Variants in TRPM2 observed in about 807,000 individuals in gnomAD.
TRPM2 encodes estrogen-responsive element-associated gene 1 protein.
TRPM2 carries 161 observed loss-of-function variants against 174.0 expected under a neutral mutation model. That is an observed-to-expected ratio of 0.93 (90% CI 0.81 to 1.05). TRPM2 has a LOEUF of 1.05. Among genes scored for constraint, TRPM2 ranks in the 50% least tolerant of loss-of-function variants. The pLI is 0.00. For synonymous variants in TRPM2, 954 were observed against 861.3 expected, an observed-to-expected ratio of 1.11 and a Z score of -1.88; for missense variants, 2,057 against 2,038.0, an observed-to-expected ratio of 1.01 and a Z score of -0.18.
chr21:44,376,435 C>A lies in TRPM2; in HGVS notation c.952+422C>A, dbSNP rs1036434506. Among the ~76,000 whole-genome samples, 4 of 152,158 alleles carry A rather than the reference C, an allele frequency of 2.6e-5. No individual in the cohort carries two copies. The highest frequency in any genetic ancestry group is 9.6e-5 in the African/African-American group (4 of 41,506). On this transcript the variant is annotated intron_variant, in intron 6 of 31. Coordinates refer to ENST00000397928, the MANE Select transcript of TRPM2 (RefSeq NM_003307.4). The surrounding 1 kb of genome is among the most constrained non-coding windows in gnomAD (Gnocchi z 4.2). ...ATTTTTTTTGGGACAGGGTCTGGAG[C>A]GCAGTGGTGTGATCTCAGCTCACTG...
chr21:44,368,837 G>C (rs773906429), intron 4 of TRPM2, among the ~76,000 whole-genome samples: 1 of 152,196 alleles, frequency 6.6e-6, no homozygotes, highest in Non-Finnish European at 1.5e-5. Flanking sequence ...TGGGAGCGAG[G>C]AAGCACTCTG....
At chr21:44,372,731 C>G (rs193219395) in intron 5 of TRPM2, among the ~76,000 whole-genome samples, 1 of 152,252 alleles carries the variant, frequency 6.6e-6, no homozygotes, top group Non-Finnish European at 1.5e-5. Flanking sequence ...ACGGGAGGAA[C>G]GAAGGCATCA....
intron 12 of TRPM2, among the ~76,000 whole-genome samples, chr21:44,397,420 G>A (rs45608434): frequency 3.9e-5 from 6 of 152,118 alleles, no homozygotes; most frequent in African/African-American, 9.7e-5. Flanking sequence ...CACTGGGCAC[G>A]CACAGGCCGG....
At chr21:44,396,632 AG>A (rs1268613118) in intron 12 of TRPM2, among the ~76,000 whole-genome samples, 4 of 12,720 alleles carry the variant, frequency 3.1e-4, no homozygotes, top group Admixed American at 9.2e-4. Flanking sequence ...AGGGGTGTGG[AG>A]GGCTGTGGAG....
chr21:44,373,134 C>G (rs974327639), intron 5 of TRPM2, among the ~76,000 whole-genome samples: 1 of 152,098 alleles, frequency 6.6e-6, no homozygotes, highest in Non-Finnish European at 1.5e-5. Context: ...CTTGCCTGGT[C>G]TCTTCATCAC....
intron 5 of TRPM2, among the ~76,000 whole-genome samples, chr21:44,372,599 G>A (rs1333091019): frequency 6.6e-6 from 1 of 152,222 alleles, no homozygotes; most frequent in African/African-American, 2.4e-5. Flanking sequence ...CCATTCTGGG[G>A]CAGAATTTCT....
At chr21:44,433,847 G>T (rs1163699828) in intron 27 of TRPM2, among the ~76,000 whole-genome samples, 1 of 152,222 alleles carries the variant, frequency 6.6e-6, no homozygotes, top group Non-Finnish European at 1.5e-5. Flanking sequence ...GCTCGGGCAG[G>T]TCTGCGCAGA....
chr21:44,409,715 G>A lies in TRPM2; in HGVS notation c.2962+2950G>A, dbSNP rs150904178. ...TTTTGACCACACTGTCTTGGTTGGCGTAGACTTGTAGTAAGTTTTGACCAC... is the reference window on the plus strand; with the variant it reads ...TTTTGACCACACTGTCTTGGTTGGCATAGACTTGTAGTAAGTTTTGACCAC... On this transcript the variant is annotated intron_variant, in intron 19 of 31. Transcript: ENST00000397928. 1.9e-4 allele frequency among the ~76,000 whole-genome samples: 12 copies of A among 61,708 alleles called. 1 individual carries two copies. The East Asian group carries it at 2.3e-3, about 12-fold the overall frequency. The allele number at this position is 61,708 out of a possible 152,430, so 40.5% of individuals were successfully genotyped here.
chr21:44,399,223 G>A lies in TRPM2; in HGVS notation c.2063-73G>A, dbSNP rs1221182222. On this transcript the variant is annotated intron_variant, in intron 13 of 31. Transcript: ENST00000397928. The surrounding 1 kb of genome is among the most constrained non-coding windows in gnomAD (Gnocchi z 4.6). Reference sequence around the variant, plus strand: ...CCTGGTGGTGCTGTCCCGAGTGGTTGCCCTCTGACCCGTCCCCAGGGCTCA... The same window carrying A: ...CCTGGTGGTGCTGTCCCGAGTGGTTACCCTCTGACCCGTCCCCAGGGCTCA... 6.5e-7 allele frequency: 1 copy of A among 1,534,754 alleles called. No individual in the cohort carries two copies. Among genetic ancestry groups the A allele is most frequent in the Admixed American group, 1.9e-5 (1 of 53,078 alleles).
At chr21:44,421,308 A>T (rs1234066667) in intron 22 of TRPM2, among the ~76,000 whole-genome samples, 2 of 150,390 alleles carry the variant, frequency 1.3e-5, no homozygotes, top group African/African-American at 4.9e-5. Flanking sequence ...ACAGAGCAAG[A>T]CTCCACCTAA....
intron 13 of TRPM2, among the ~76,000 whole-genome samples, 188 bp downstream of exon 13, chr21:44,398,064 C>T (rs903959107): frequency 3.9e-5 from 6 of 152,216 alleles, no homozygotes; most frequent in South Asian, 2.1e-4. Flanking sequence ...CCAGTGGGTT[C>T]GTCTTGCCTG....
At position 44,431,751 on chromosome 21, in the gene TRPM2, C is replaced by T. The variant is rs181913575; in HGVS notation, c.3975-3380C>T. On this transcript the variant is annotated intron_variant, in intron 27 of 31. Transcript: ENST00000397928. ...TTGGCCTCCCAATGTGCTAGGATTACGGGCGTGAGCCACTATGCCTGGTCA... is the reference window on the plus strand; with the variant it reads ...TTGGCCTCCCAATGTGCTAGGATTATGGGCGTGAGCCACTATGCCTGGTCA... 1.4e-4 allele frequency among the ~76,000 whole-genome samples: 22 copies of T among 152,338 alleles called. 1 individual carries two copies. The highest frequency in any genetic ancestry group is 3.9e-4 in the East Asian group (2 of 5,190).
intron 27 of TRPM2, among the ~76,000 whole-genome samples, chr21:44,433,538 T>C (rs2051110747): frequency 6.6e-6 from 1 of 151,636 alleles, no homozygotes; most frequent in African/African-American, 2.4e-5. Context: ...TGGACGGGAG[T>C]GAGAGACGGG....
At position 44,406,706 on chromosome 21, in the gene TRPM2, G is replaced by T; in HGVS notation, c.2903G>T (p.Arg968Leu). 4 of 1,608,896 alleles carry T rather than the reference G, an allele frequency of 2.5e-6. No individual in the cohort carries two copies. Among genetic ancestry groups the T allele is most frequent in the Non-Finnish European group, 3.4e-6 (4 of 1,179,120 alleles). ...GAGCGCCGGGTGGACTGGCTGTTCC[G>T]AGGGGCCGTCTACCACTCCTACCTC... Reference protein sequence around the residue: ...HNERRVDWLFRGAVYHSYLTI... With the variant: ...HNERRVDWLFLGAVYHSYLTI... The change falls in exon 19 of 32, where the codon CGA becomes CTA. Residue 968 changes from arginine (R) to leucine (L), a missense_variant. Transcript: ENST00000397928.
intron 2 of TRPM2, among the ~76,000 whole-genome samples, chr21:44,362,700 AG>A (rs1315284122): frequency 6.6e-6 from 1 of 152,010 alleles, no homozygotes; most frequent in African/African-American, 2.4e-5. Context: ...CCATTCTTTT[AG>A]GGTGTGTCTG....
intron 5 of TRPM2, among the ~76,000 whole-genome samples, chr21:44,372,214 A>G (rs1038418952): frequency 1.1e-4 from 16 of 151,322 alleles, no homozygotes; most frequent in Non-Finnish European, 2.2e-4. Context: ...TGTAAATATC[A>G]TAAGCTTGGC....
chr21:44,365,602 G>T (rs565843450), intron 3 of TRPM2, among the ~76,000 whole-genome samples: 1 of 152,188 alleles, frequency 6.6e-6, no homozygotes, highest in Admixed American at 6.5e-5. Flanking sequence ...TGATGCCACC[G>T]TGGCCGTGGC....
chr21:44,390,417 A>G (rs2049138398), intron 9 of TRPM2, among the ~76,000 whole-genome samples: 2 of 152,222 alleles, frequency 1.3e-5, no homozygotes, highest in African/African-American at 4.8e-5. Flanking sequence ...CAGAAAGGGA[A>G]CACAGAAACT....
chr21:44,403,534 A>G (rs1257821681), intron 16 of TRPM2, among the ~76,000 whole-genome samples: 1 of 150,968 alleles, frequency 6.6e-6, no homozygotes, highest in African/African-American at 2.5e-5. Flanking sequence ...ACAAATGCAC[A>G]CACACATAGG....
Sources: allele counts gnomAD v4.1 joint callset (sites outside exome capture counted in the v4.1 genomes callset), GRCh38; gene constraint gnomAD v4.1.1; non-coding constraint Gnocchi (gnomAD v3.1); transcripts MANE v1.5; gene names NCBI Gene and HGNC (gene_info 2026-07-23, HGNC 2026-07-21).